ABRAXAS2: variants seen among roughly 807,000 people sequenced by gnomAD.
ABRAXAS2 encodes abraxas 2, BRISC complex subunit.
ABRAXAS2 carries 23 observed loss-of-function variants against 49.0 expected under a neutral mutation model. That is an observed-to-expected ratio of 0.47 (90% confidence interval 0.34 to 0.66). ABRAXAS2 has a LOEUF of 0.66. ABRAXAS2 is among the 30% of genes least tolerant of loss of function. ABRAXAS2 has a pLI of 0.01. For missense variants in ABRAXAS2, 443 were observed against 511.9 expected, an observed-to-expected ratio of 0.87 and a Z score of 1.30; for synonymous variants, 168 against 180.2, an observed-to-expected ratio of 0.93 and a Z score of 0.54.
At chr10:124,832,057 G>A (rs1950937181) in intron 8 of ABRAXAS2, among the ~76,000 whole-genome samples, 1 of 151,506 alleles carries the variant, frequency 6.6e-6, no homozygotes, top group Non-Finnish European at 1.5e-5. Context: ...AGTAGAGATG[G>A]GGTTTCACCA....
At chr10:124,805,753 A>C (rs1169747819) in intron 1 of ABRAXAS2, among the ~76,000 whole-genome samples, 1 of 152,236 alleles carries the variant, frequency 6.6e-6, no homozygotes, top group Non-Finnish European at 1.5e-5. Context: ...CTCTCCGCTA[A>C]GGTGCCATTT....
chr10:124,808,412 G>T (rs376794001), intron 2 of ABRAXAS2, among the ~76,000 whole-genome samples: 1 of 152,058 alleles, frequency 6.6e-6, no homozygotes, highest in Non-Finnish European at 1.5e-5. Context: ...TCCTGACCTC[G>T]TGATCCGCCC....
At chr10:124,811,124 T>C (rs1950784229) in intron 2 of ABRAXAS2, among the ~76,000 whole-genome samples, 1 of 151,636 alleles carries the variant, frequency 6.6e-6, no homozygotes, top group Non-Finnish European at 1.5e-5. Context: ...GGCAGGAGAA[T>C]GACGTGAACC....
chr10:124,829,600 T>C (rs1247612032), intron 7 of ABRAXAS2, 123 bp downstream of exon 7: 1 of 648,812 alleles, frequency 1.5e-6, no homozygotes, highest in Non-Finnish European at 2.6e-6. Context: ...CAGAATCTGC[T>C]TTCCCAGAAC....
intron 4 of ABRAXAS2, among the ~76,000 whole-genome samples, chr10:124,820,702 G>A (rs933645277): frequency 2.0e-5 from 3 of 150,812 alleles, no homozygotes; most frequent in South Asian, 2.1e-4. Flanking sequence ...GGCTGGTCTC[G>A]AACTCAAGTG....
chr10:124,817,328 G>C (rs538778274), intron 3 of ABRAXAS2, among the ~76,000 whole-genome samples: 32 of 152,262 alleles, frequency 2.1e-4, no homozygotes, highest in African/African-American at 7.7e-4. Context: ...AAAGGAGAAA[G>C]CATACAACAG....
intron 8 of ABRAXAS2, among the ~76,000 whole-genome samples, chr10:124,833,373 G>A (rs542611756): frequency 6.6e-6 from 1 of 152,060 alleles, no homozygotes; most frequent in African/African-American, 2.4e-5. Context: ...GCTGAGGTGG[G>A]AGAATCACCT....
At chr10:124,813,081 A>C (rs546740604) in intron 2 of ABRAXAS2, among the ~76,000 whole-genome samples, 12 of 151,946 alleles carry the variant, frequency 7.9e-5, no homozygotes, top group African/African-American at 2.9e-4. Flanking sequence ...CACGCCTGTA[A>C]TCCCAGCTAC....
Position 124,805,597 on chromosome 10 carries a change from T to C in ABRAXAS2, c.73-1234T>C, listed in dbSNP as rs202243866. Among the ~76,000 whole-genome samples the C allele has an allele frequency of 2.0e-5, 3 of 152,204 alleles. No individual in the cohort carries two copies. The East Asian group carries it at 5.8e-4, about 29-fold the overall frequency. Reference sequence around the variant, plus strand: ...ACACAGTCCCTGCTCTCGTGGAGTTTACATTCTGGCAAGGGATAATAAATG... The same window carrying C: ...ACACAGTCCCTGCTCTCGTGGAGTTCACATTCTGGCAAGGGATAATAAATG... On this transcript the variant is annotated intron_variant, in intron 1 of 8. Coordinates refer to ENST00000298492, the MANE Select transcript of ABRAXAS2 (RefSeq NM_032182.4).
intron 1 of ABRAXAS2, 138 bp from the exon 2 acceptor site, chr10:124,806,693 T>C: frequency 1.7e-6 from 1 of 575,728 alleles, no homozygotes; most frequent in Non-Finnish European, 3.1e-6. Context: ...TTTGTTGGTT[T>C]ATAGAATAGT....
chr10:124,808,215 G>A (rs1276388478), intron 2 of ABRAXAS2, among the ~76,000 whole-genome samples: 1 of 149,304 alleles, frequency 6.7e-6, no homozygotes, highest in African/African-American at 2.5e-5. Context: ...TTGCTCTGTC[G>A]CCCAGGCTAG....
At chr10:124,831,544 G>A (rs553687640) in intron 8 of ABRAXAS2, 81 bp downstream of exon 8, 2 of 743,612 alleles carry the variant, frequency 2.7e-6, no homozygotes, top group Non-Finnish European at 4.4e-6. Context: ...AATAAATTAT[G>A]TGCCTCTTTC....
At chr10:124,810,866 C>T (rs952079852) in intron 2 of ABRAXAS2, among the ~76,000 whole-genome samples, 22 of 150,288 alleles carry the variant, frequency 1.5e-4, no homozygotes, top group South Asian at 8.6e-4. Context: ...CAGGCGTGAG[C>T]GACCACGCTG....
At chr10:124,815,560 C>T (rs976134200) in intron 2 of ABRAXAS2, among the ~76,000 whole-genome samples, 2 of 152,054 alleles carry the variant, frequency 1.3e-5, no homozygotes, top group East Asian at 1.9e-4. Flanking sequence ...TTTTAAATAA[C>T]GGGTGATGAG....
chr10:124,825,181 G>A (rs573604043), intron 4 of ABRAXAS2, among the ~76,000 whole-genome samples: 172 of 152,060 alleles, frequency 1.1e-3, no homozygotes, highest in African/African-American at 4.0e-3. Flanking sequence ...AGCCAGGCGC[G>A]GTGGCACATG....
At chr10:124,806,981 T>C in intron 2 of ABRAXAS2, 60 bp downstream of exon 2, 1 of 1,273,860 alleles carries the variant, frequency 7.9e-7, no homozygotes. Flanking sequence ...TTAATGTTTG[T>C]TTTGTTGTTT....
chr10:124,820,812 C>G (rs1950857270), intron 4 of ABRAXAS2, among the ~76,000 whole-genome samples: 1 of 152,040 alleles, frequency 6.6e-6, no homozygotes. Flanking sequence ...AAAATTTGTT[C>G]TATAAAGATT....
At chr10:124,820,570 C>G (rs7924273) in intron 4 of ABRAXAS2, among the ~76,000 whole-genome samples, 7,723 of 152,112 alleles carry the variant, frequency 0.051, 636 homozygotes, top group African/African-American at 0.17. Context: ...CAAACTCCAC[C>G]TCCCAGGTTC....
intron 2 of ABRAXAS2, among the ~76,000 whole-genome samples, chr10:124,809,474 G>T (rs1188935693): frequency 1.2e-4 from 1 of 8,442 alleles, no homozygotes; most frequent in African/African-American, 3.7e-4. Context: ...TAGTAGAGAC[G>T]GGGGTTTCTC....
Sources: allele counts gnomAD v4.1 joint callset (sites outside exome capture counted in the v4.1 genomes callset), GRCh38; gene constraint gnomAD v4.1.1; transcripts MANE v1.5; gene names NCBI Gene and HGNC (gene_info 2026-07-23, HGNC 2026-07-21).